TDRP: variants seen among roughly 807,000 people sequenced by gnomAD.
TDRP encodes the protein testis development related protein, also known as testis development-related protein.
Under a neutral mutation model 10.5 loss-of-function variants are expected in TDRP, and 12 were observed. The observed-to-expected ratio is 1.15, with a 90% CI of 0.73 to 1.86. TDRP has a LOEUF of 1.86. Among genes scored for constraint, TDRP ranks in the 40% most tolerant of loss-of-function variants. TDRP has a pLI of 0.00. For synonymous variants in TDRP, 139 were observed against 95.4 expected (o/e 1.46, Z -2.67); for missense variants, 353 against 229.2 (o/e 1.54, Z -3.49).
Position 491,648 on chromosome 8 carries a change from A to C in TDRP, c.*751T>G. ...CCTAAATGAAATTATCAACTGACTA[A>C]AATTGATCCATACTTCTTTAATCTG... is the stretch of plus-strand genomic sequence containing the variant. On this transcript the variant is annotated 3_prime_UTR_variant, in exon 3 of 3. Transcript: ENST00000324079. 2.0e-6 allele frequency: 3 copies of C among 1,531,330 alleles called. No individual in the cohort carries two copies. The highest frequency in any genetic ancestry group is 2.4e-5 in the South Asian group (2 of 82,748). The allele number at this position is 1,531,330 out of a possible 1,614,324, so 94.9% of individuals were successfully genotyped here.
At chr8:531,846 T>C (rs185908024) in intron 1 of TDRP, among the ~76,000 whole-genome samples, 4 of 152,150 alleles carry the variant, frequency 2.6e-5, no homozygotes, top group African/African-American at 9.7e-5. Flanking sequence ...CAAGAAAACA[T>C]TGAATCACAC....
At chr8:526,350 T>C (rs1802034958) in intron 1 of TDRP, among the ~76,000 whole-genome samples, 1 of 152,188 alleles carries the variant, frequency 6.6e-6, no homozygotes. Flanking sequence ...TAGCTATGAA[T>C]CTGTTGCATA....
At chr8:506,236 A>G (rs1354990718) in intron 1 of TDRP, among the ~76,000 whole-genome samples, 3 of 152,240 alleles carry the variant, frequency 2.0e-5, no homozygotes, top group African/African-American at 4.8e-5. Flanking sequence ...GTAAGTGAAG[A>G]AATATCTATT....
intron 1 of TDRP, among the ~76,000 whole-genome samples, chr8:496,349 G>C (rs956510283): frequency 6.6e-6 from 1 of 152,226 alleles, no homozygotes; most frequent in Non-Finnish European, 1.5e-5. Flanking sequence ...TAATTCTAGA[G>C]GCTAACCCAT....
chr8:545,223 C>T (rs1380901768), upstream of TDRP, among the ~76,000 whole-genome samples: 1 of 143,084 alleles, frequency 7.0e-6, no homozygotes, highest in Non-Finnish European at 1.5e-5. Flanking sequence ...CCAGGCTACC[C>T]CGTCACCTGG....
intron 1 of TDRP, among the ~76,000 whole-genome samples, chr8:511,610 T>C (rs185887194): frequency 1.9e-4 from 29 of 152,290 alleles, no homozygotes; most frequent in African/African-American, 6.5e-4. Context: ...ACCTAACAGA[T>C]AGTTACAGAA....
intron 1 of TDRP, among the ~76,000 whole-genome samples, chr8:518,603 T>A (rs1208707719): frequency 6.8e-6 from 1 of 146,384 alleles, no homozygotes; most frequent in African/African-American, 2.5e-5. Context: ...GAGAAAAGGA[T>A]CTTTTCTTCA....
intron 1 of TDRP, among the ~76,000 whole-genome samples, chr8:515,667 C>G (rs1234826361): frequency 6.6e-6 from 1 of 152,176 alleles, no homozygotes; most frequent in Admixed American, 6.5e-5. Context: ...TGGGCAGCCT[C>G]TAACATTACT....
intron 1 of TDRP, among the ~76,000 whole-genome samples, chr8:528,690 C>G (rs1802101014): frequency 6.6e-6 from 1 of 152,054 alleles, no homozygotes; most frequent in African/African-American, 2.4e-5. Flanking sequence ...CTCATTTACT[C>G]CGATGTGATT....
chr8:522,914 A>G (rs1029613550), intron 1 of TDRP, among the ~76,000 whole-genome samples: 1 of 152,180 alleles, frequency 6.6e-6, no homozygotes, highest in Admixed American at 6.5e-5. Context: ...GTGTATCCTT[A>G]TATCTAAAGT....
intron 1 of TDRP, among the ~76,000 whole-genome samples, chr8:541,336 G>A (rs1431087144): frequency 6.6e-6 from 1 of 152,174 alleles, no homozygotes; most frequent in Non-Finnish European, 1.5e-5. Flanking sequence ...GCACATAACT[G>A]GGAAAACCTT....
At chr8:492,815 A>C in intron 2 of TDRP, 71 bp from the exon 3 acceptor site, 1 of 1,218,708 alleles carries the variant, frequency 8.2e-7, no homozygotes, top group South Asian at 1.9e-5. Flanking sequence ...CATTTTACAA[A>C]CATAAAATTC....
chr8:509,163 G>A (rs1563121394), intron 1 of TDRP, among the ~76,000 whole-genome samples: 1 of 152,210 alleles, frequency 6.6e-6, no homozygotes, highest in Non-Finnish European at 1.5e-5. Flanking sequence ...GGCTGGTATT[G>A]AGTGTCTGCA....
chr8:495,047 C>G (rs889811894), intron 1 of TDRP: 1 of 155,206 alleles, frequency 6.4e-6, no homozygotes, highest in Non-Finnish European at 1.4e-5. Context: ...GCCTGGGGAA[C>G]AAAGTGAGAC....
intron 1 of TDRP, among the ~76,000 whole-genome samples, chr8:501,073 C>T (rs112204845): frequency 2.1e-4 from 32 of 152,058 alleles, no homozygotes; most frequent in Middle Eastern, 3.4e-3. Flanking sequence ...GGCGTGATGG[C>T]GGGCGCCTGT....
rs148661344 is a variant in TDRP, at chr8:514,913, C to T, written c.109-20316G>A. Among the ~76,000 whole-genome samples the T allele has an allele frequency of 1.6e-4, 24 of 152,296 alleles. 1 individual carries two copies. In the East Asian group the frequency reaches 4.2e-3, roughly 27 times the overall value. On this transcript the variant is annotated intron_variant, in intron 1 of 2. Coordinates refer to ENST00000324079, the MANE Select transcript of TDRP (RefSeq NM_001384899.1). Reference sequence around the variant, plus strand: ...AGGGCTACTTTAAAATTAAGATTCTCACTTTCTCAAATGAAGGAATTGGAT... The same window carrying T: ...AGGGCTACTTTAAAATTAAGATTCTTACTTTCTCAAATGAAGGAATTGGAT...
At chr8:521,867 GCTGT>G (rs1365938622) in intron 1 of TDRP, among the ~76,000 whole-genome samples, 3 of 151,952 alleles carry the variant, frequency 2.0e-5, no homozygotes, top group South Asian at 2.1e-4. Flanking sequence ...ATCAACATGG[GCTGT>G]CTATTTATGT....
At chr8:523,229 AATCTATTTTAAACT>A (rs1489940180) in intron 1 of TDRP, among the ~76,000 whole-genome samples, 1 of 152,126 alleles carries the variant, frequency 6.6e-6, no homozygotes, top group Non-Finnish European at 1.5e-5. Flanking sequence ...TAGTTATAAT[AATCTATTTTAAACT>A]GATAATTTAA....
chr8:532,029 T>C (rs892581670), intron 1 of TDRP, among the ~76,000 whole-genome samples: 3 of 152,210 alleles, frequency 2.0e-5, no homozygotes, highest in Admixed American at 6.5e-5. Flanking sequence ...ATGGTTTATA[T>C]TTCTTTTTCT....
Sources: allele counts gnomAD v4.1 joint callset (sites outside exome capture counted in the v4.1 genomes callset), GRCh38; gene constraint gnomAD v4.1.1; transcripts MANE v1.5; gene names NCBI Gene and HGNC (gene_info 2026-07-23, HGNC 2026-07-21).